The following ADARB2 variants were observed in gnomAD, a reference collection of about 807,000 sequenced individuals.
The protein encoded by ADARB2 is adenosine deaminase RNA specific B2 (inactive).
Under a neutral mutation model 62.2 loss-of-function variants are expected in ADARB2, and 25 were observed. The ratio of observed to expected loss-of-function variants is 0.40; its 90% CI spans 0.29 to 0.56. ADARB2 has a LOEUF of 0.56. Among genes scored for constraint, ADARB2 ranks in the 20% least tolerant of loss-of-function variants. ADARB2 has a pLI of 0.43. For missense variants in ADARB2, 1,071 were observed against 1,077.4 expected (o/e 0.99, Z 0.08); for synonymous variants, 572 against 500.8 (o/e 1.14, Z -1.90).
chr10:1,715,786 G>A (rs752919013), intron 1 of ADARB2, among the ~76,000 whole-genome samples: 11 of 152,250 alleles, frequency 7.2e-5, no homozygotes, highest in Non-Finnish European at 1.5e-4. Context: ...GCTCCGGAAG[G>A]TTCCAGAGCT....
chr10:1,214,219 C>G (rs979067963), intron 7 of ADARB2, among the ~76,000 whole-genome samples: 1 of 66,004 alleles, frequency 1.5e-5, no homozygotes, highest in African/African-American at 7.3e-5. Context: ...TGTCCAGCAT[C>G]GTGTAGGTTT....
intron 7 of ADARB2, among the ~76,000 whole-genome samples, chr10:1,213,015 G>A (rs1412316863): frequency 6.6e-6 from 1 of 152,206 alleles, no homozygotes; most frequent in Admixed American, 6.5e-5. Context: ...GGAGGGAAAG[G>A]CTTTGGGGAA....
At chr10:1,698,685 A>T (rs921134513) in intron 1 of ADARB2, among the ~76,000 whole-genome samples, 2 of 152,198 alleles carry the variant, frequency 1.3e-5, no homozygotes, top group African/African-American at 4.8e-5. Flanking sequence ...GGAGCAGAAC[A>T]TTCAAAAATA....
chr10:1,468,673 G>A (rs1831286516), intron 1 of ADARB2, among the ~76,000 whole-genome samples: 1 of 152,188 alleles, frequency 6.6e-6, no homozygotes, highest in African/African-American at 2.4e-5. Context: ...AAGCAGCAGC[G>A]CTGTCCAACC....
intron 1 of ADARB2, among the ~76,000 whole-genome samples, chr10:1,694,485 C>G (rs1451526249): frequency 2.6e-5 from 4 of 152,118 alleles, no homozygotes; most frequent in African/African-American, 9.7e-5. Flanking sequence ...GGCTTTTAAA[C>G]TGTACATGCA....
intron 8 of ADARB2, 102 bp from the exon 9 acceptor site, chr10:1,185,141 A>G: frequency 7.2e-7 from 1 of 1,388,186 alleles, no homozygotes; most frequent in Non-Finnish European, 9.7e-7. Context: ...GTGAGTGGGA[A>G]TGGTCCTCCC....
chr10:1,570,382 C>T (rs942427369), intron 1 of ADARB2, among the ~76,000 whole-genome samples: 1 of 152,172 alleles, frequency 6.6e-6, no homozygotes, highest in Non-Finnish European at 1.5e-5. Context: ...TTTTGGGTCC[C>T]CCAGCACCTG....
chr10:1,356,463 T>C (rs1466412619), intron 3 of ADARB2, among the ~76,000 whole-genome samples: 1 of 152,088 alleles, frequency 6.6e-6, no homozygotes. Flanking sequence ...ACAACAGAAC[T>C]TCACACAGCC....
At chr10:1,638,460 A>G (rs1833940030) in intron 1 of ADARB2, among the ~76,000 whole-genome samples, 1 of 152,206 alleles carries the variant, frequency 6.6e-6, no homozygotes, top group Admixed American at 6.5e-5. Context: ...AGTTTGACTC[A>G]ATTGAGACCT....
rs1014118295 is a variant in ADARB2, at chr10:1,684,453, A to G, written c.100+52598T>C. Among the ~76,000 whole-genome samples the G allele has an allele frequency of 2.0e-5, 3 of 152,236 alleles. No individual in the cohort carries two copies. The East Asian group carries it at 5.8e-4, about 29-fold the overall frequency. On this transcript the variant is annotated intron_variant, in intron 1 of 9. Coordinates refer to ENST00000381312, the MANE Select transcript of ADARB2 (RefSeq NM_018702.4). Reference sequence around the variant, plus strand: ...GCACACACACACATATATATTCTCTATATCTGGAATAACATAATAATAGTC... The same window carrying G: ...GCACACACACACATATATATTCTCTGTATCTGGAATAACATAATAATAGTC...
At chr10:1,544,207 G>A (rs924192447) in intron 1 of ADARB2, among the ~76,000 whole-genome samples, 2 of 152,146 alleles carry the variant, frequency 1.3e-5, no homozygotes, top group African/African-American at 4.8e-5. Context: ...GTCTGGGAGG[G>A]CAGTGGGATG....
At chr10:1,264,245 C>T (rs753114074) in intron 4 of ADARB2, among the ~76,000 whole-genome samples, 14 of 152,192 alleles carry the variant, frequency 9.2e-5, no homozygotes, top group Admixed American at 2.6e-4. Flanking sequence ...TCATTTGTTT[C>T]AGCTTATCTT....
chr10:1,663,349 T>G (rs1365750419), intron 1 of ADARB2, among the ~76,000 whole-genome samples: 2 of 152,216 alleles, frequency 1.3e-5, no homozygotes, highest in African/African-American at 4.8e-5. Flanking sequence ...CTCTGAGAAT[T>G]GCGACAAGTG....
chr10:1,455,970 C>T (rs866324257), intron 1 of ADARB2, among the ~76,000 whole-genome samples: 2 of 152,128 alleles, frequency 1.3e-5, no homozygotes, highest in African/African-American at 2.4e-5. Flanking sequence ...CAGAACTTGG[C>T]GAACTCATGC....
At chr10:1,190,174 G>A (rs1836822469) in intron 8 of ADARB2, among the ~76,000 whole-genome samples, 1 of 151,462 alleles carries the variant, frequency 6.6e-6, no homozygotes, top group African/African-American at 2.5e-5. Flanking sequence ...CAGCAGCTGA[G>A]CTCCGAGGAG....
At chr10:1,685,397 T>C (rs1834585870) in intron 1 of ADARB2, among the ~76,000 whole-genome samples, 1 of 152,194 alleles carries the variant, frequency 6.6e-6, no homozygotes, top group South Asian at 2.1e-4. Flanking sequence ...GGGTACAGCT[T>C]CACCTTTCCC....
rs141379414 is a variant in ADARB2, at chr10:1,196,257, C to T, written c.1864+3709G>A. 3.4e-3 allele frequency among the ~76,000 whole-genome samples: 500 copies of T among 145,534 alleles called. 2 individuals are homozygous for T. Among genetic ancestry groups the T allele is most frequent in the Non-Finnish European group, 5.8e-3 (390 of 66,844 alleles). On this transcript the variant is annotated intron_variant, in intron 8 of 9. Coordinates refer to ENST00000381312, the MANE Select transcript of ADARB2 (RefSeq NM_018702.4). ...GCACTCATATTTTGTTTGTCCGTCT[C>T]CCCTACTGGAATGCAATCACCCTGA...
rs111850877 is a variant in ADARB2, at chr10:1,326,756, G to A, written c.1077+36272C>T. On this transcript the variant is annotated intron_variant, in intron 3 of 9. Transcript: ENST00000381312. ...ATGGCACGGCGCCTCCCGACGGCAC[G>A]GCGCCTCTGGTAGCACAGCCCCTCC... is the stretch of plus-strand genomic sequence containing the variant. Among the ~76,000 whole-genome samples, 830 of 115,256 alleles carry A rather than the reference G, an allele frequency of 7.2e-3. 16 individuals carry two copies. Among genetic ancestry groups the A allele is most frequent in the African/African-American group, 0.025 (774 of 30,566 alleles). The allele number at this position is 115,256 out of a possible 152,430, so 75.6% of individuals were successfully genotyped here. A position where few individuals can be genotyped will look rare whatever the true frequency, so the allele number is the denominator to read the frequency against.
rs747736416 is a variant in ADARB2, at chr10:1,182,941, AG to A, written c.*251del. 17 of 472,576 alleles carry A rather than the reference AG, an allele frequency of 3.6e-5. No homozygotes were observed. Among genetic ancestry groups the A allele is most frequent in the South Asian group, 8.3e-5 (3 of 36,244 alleles). 29.3% of individuals were successfully genotyped at this position (472,576 alleles called of 1,614,324 possible). A position where few individuals can be genotyped will look rare whatever the true frequency, so the allele number is the denominator to read the frequency against. On this transcript the variant is annotated 3_prime_UTR_variant, in exon 10 of 10. Coordinates refer to ENST00000381312, the MANE Select transcript of ADARB2 (RefSeq NM_018702.4). ...ATGGAGCCCCTCCCTCAGACTCCAC[AG>A]GAAGAGTCGGCGCTAACTCAACAGT... is the stretch of plus-strand genomic sequence containing the variant.
Sources: gnomAD v4.1 joint callset for allele counts (sites outside exome capture counted in the v4.1 genomes callset) on GRCh38, gnomAD v4.1.1 for gene constraint, MANE v1.5 for transcripts, NCBI Gene and HGNC (gene_info 2026-07-23, HGNC 2026-07-21) for gene names.